LMNTD1: variants seen among roughly 807,000 people sequenced by gnomAD.
LMNTD1 encodes lamin tail domain-containing protein 1.
A neutral mutation model predicts 50.9 loss-of-function variants in LMNTD1; 35 were observed. The observed-to-expected ratio is 0.69, with a 90% confidence interval of 0.53 to 0.91. LMNTD1 has a LOEUF of 0.91. LMNTD1 is among the 40% of genes least tolerant of loss of function. The pLI is 0.00. For synonymous variants in LMNTD1, 153 were observed against 161.9 expected (o/e 0.94, Z 0.42); for missense variants, 470 against 475.5 (o/e 0.99, Z 0.11).
At chr12:25,503,260 C>T (rs571638053) in intron 9 of LMNTD1, among the ~76,000 whole-genome samples, 1 of 152,192 alleles carries the variant, frequency 6.6e-6, no homozygotes, top group Admixed American at 6.5e-5. Context: ...TTGATATCAT[C>T]GTGAAAAAGA....
At chr12:25,613,173 T>C (rs1946283482) in intron 1 of LMNTD1, among the ~76,000 whole-genome samples, 1 of 152,208 alleles carries the variant, frequency 6.6e-6, no homozygotes, top group Admixed American at 6.5e-5. Flanking sequence ...TTTAAGAGAA[T>C]AAATGTCTGT....
At chr12:25,510,172 A>C (rs2135980188) in intron 8 of LMNTD1, among the ~76,000 whole-genome samples, 1 of 149,566 alleles carries the variant, frequency 6.7e-6, no homozygotes, top group Non-Finnish European at 1.5e-5. Flanking sequence ...CTGCGCATTC[A>C]TGTGGGATAA....
At chr12:25,604,623 T>C (rs1946055180) in intron 1 of LMNTD1, among the ~76,000 whole-genome samples, 1 of 152,160 alleles carries the variant, frequency 6.6e-6, no homozygotes, top group South Asian at 2.1e-4. Flanking sequence ...CTTGCGATAG[T>C]TTGCTGAGAA....
intron 1 of LMNTD1, among the ~76,000 whole-genome samples, chr12:25,597,512 T>C (rs1318595711): frequency 2.0e-5 from 3 of 152,064 alleles, no homozygotes; most frequent in Admixed American, 6.6e-5. Flanking sequence ...ACAAAGCAAA[T>C]ATTATTAAAG....
At chr12:25,495,762 C>T (rs1939041473) in intron 9 of LMNTD1, among the ~76,000 whole-genome samples, 1 of 152,140 alleles carries the variant, frequency 6.6e-6, no homozygotes, top group South Asian at 2.1e-4. Context: ...TCCTGAGCAG[C>T]AAGATAGTGG....
At chr12:25,648,437 T>G in intron 1 of LMNTD1, 1 of 1,388,726 alleles carries the variant, frequency 7.2e-7, no homozygotes, top group Non-Finnish European at 1.0e-6. Flanking sequence ...AAAAAGGAAA[T>G]GAGGGAAGCC....
rs904983687 is a variant in LMNTD1 at position 25,642,877 on chromosome 12, T to C, written c.58+5617A>G. 3.9e-5 allele frequency among the ~76,000 whole-genome samples: 6 copies of C among 152,204 alleles called. No individual in the cohort carries two copies. The South Asian group carries it at 1.2e-3, about 31-fold the overall frequency. On this transcript the variant is annotated intron_variant, in intron 1 of 7. Coordinates refer to the LMNTD1 transcript ENST00000445693. ...GTACAGCCAATTGGAATTTTATATATGTCCCACAAGTCAGATTTCTCAGGA... is the reference window on the plus strand; with the variant it reads ...GTACAGCCAATTGGAATTTTATATACGTCCCACAAGTCAGATTTCTCAGGA...
At chr12:25,521,174 T>C (rs1039796284) in intron 6 of LMNTD1, among the ~76,000 whole-genome samples, 1 of 152,190 alleles carries the variant, frequency 6.6e-6, no homozygotes, top group Non-Finnish European at 1.5e-5. Flanking sequence ...GCTATTTTAT[T>C]TTGTTAATTG....
chr12:25,584,323 GT>G (rs1945434914), intron 1 of LMNTD1, among the ~76,000 whole-genome samples: 1 of 152,214 alleles, frequency 6.6e-6, no homozygotes. Flanking sequence ...ACCCAAGGTT[GT>G]CTTGCTAAGA....
At chr12:25,616,907 C>G (rs1946363916) in intron 1 of LMNTD1, among the ~76,000 whole-genome samples, 1 of 152,102 alleles carries the variant, frequency 6.6e-6, no homozygotes, top group South Asian at 2.1e-4. Context: ...TGTTCTATAT[C>G]TTGAATCTAG....
At chr12:25,498,311 G>A (rs530133579) in intron 9 of LMNTD1, among the ~76,000 whole-genome samples, 3 of 152,206 alleles carry the variant, frequency 2.0e-5, no homozygotes, top group Admixed American at 6.5e-5. Context: ...TTCTGTCCAT[G>A]GGATTTTGCA....
chr12:25,526,741 T>G, intron 5 of LMNTD1, 28 bp downstream of exon 5: 1 of 1,473,526 alleles, frequency 6.8e-7, no homozygotes, highest in Non-Finnish European at 9.3e-7. Context: ...ACAATTCTAA[T>G]GTACAGTATT....
intron 9 of LMNTD1, among the ~76,000 whole-genome samples, chr12:25,487,937 CT>C (rs1938718386): frequency 7.2e-6 from 1 of 138,370 alleles, no homozygotes; most frequent in Admixed American, 7.5e-5. Context: ...AAATTCTTTT[CT>C]TTAAGAATGT....
chr12:25,618,132 ACTTC>A (rs1333852304), intron 1 of LMNTD1, among the ~76,000 whole-genome samples: 1 of 151,436 alleles, frequency 6.6e-6, no homozygotes, highest in Non-Finnish European at 1.5e-5. Context: ...TGCTTTTGTA[ACTTC>A]CTGTTTGTCT....
chr12:25,633,285 A>C (rs137985178), intron 1 of LMNTD1, among the ~76,000 whole-genome samples: 2,702 of 152,222 alleles, frequency 0.018, 72 homozygotes, highest in African/African-American at 0.057. Context: ...GAAAGTCAAC[A>C]AAGAAACAAT....
intron 1 of LMNTD1, among the ~76,000 whole-genome samples, chr12:25,622,208 T>C (rs1946485310): frequency 6.6e-6 from 1 of 152,176 alleles, no homozygotes; most frequent in Admixed American, 6.5e-5. Context: ...GTTTCGAATA[T>C]GCTTCTCATC....
At chr12:25,628,613 G>T (rs1946646884) in intron 1 of LMNTD1, among the ~76,000 whole-genome samples, 1 of 152,184 alleles carries the variant, frequency 6.6e-6, no homozygotes, top group Admixed American at 6.5e-5. Context: ...GAATTACCCT[G>T]GTGGGCCTGA....
chr12:25,615,814 A>G (rs1946341894), intron 1 of LMNTD1, among the ~76,000 whole-genome samples: 1 of 152,248 alleles, frequency 6.6e-6, no homozygotes, highest in South Asian at 2.1e-4. Flanking sequence ...ATAACAAAAT[A>G]TTAACAGTGT....
chr12:25,564,137 AC>A (rs1944452962), intron 1 of LMNTD1, among the ~76,000 whole-genome samples: 1 of 152,060 alleles, frequency 6.6e-6, no homozygotes, highest in African/African-American at 2.4e-5. Flanking sequence ...CATGGGCTGC[AC>A]CCACTGTCTG....
Sources: gnomAD v4.1 joint callset for allele counts (sites outside exome capture counted in the v4.1 genomes callset) on GRCh38, gnomAD v4.1.1 for gene constraint, MANE v1.5 for transcripts, NCBI Gene and HGNC (gene_info 2026-07-23, HGNC 2026-07-21) for gene names.